The following SGCD variants were observed in gnomAD, a reference collection of about 807,000 sequenced individuals.
SGCD encodes the protein sarcoglycan delta.
Under a neutral mutation model 36.6 loss-of-function variants are expected in SGCD, and 18 were observed. The observed-to-expected ratio is 0.49, with a 90% CI of 0.34 to 0.73. SGCD has a LOEUF of 0.73. Among genes scored for constraint, SGCD ranks in the 30% least tolerant of loss-of-function variants. The pLI, the probability that SGCD is intolerant of heterozygous loss-of-function variation, is 0.01. For missense variants in SGCD, 387 were observed against 346.7 expected (o/e 1.12, Z -0.92); for synonymous variants, 133 against 130.6 (o/e 1.02, Z -0.12).
intron 7 of SGCD, among the ~76,000 whole-genome samples, chr5:156,709,200 C>A (rs1158228881): frequency 6.6e-6 from 1 of 152,188 alleles, no homozygotes; most frequent in East Asian, 1.9e-4. Context: ...TGATCCCCTT[C>A]AAGGACAATA....
At chr5:156,666,927 A>G (rs973749572) in intron 7 of SGCD, among the ~76,000 whole-genome samples, 3 of 152,184 alleles carry the variant, frequency 2.0e-5, no homozygotes, top group African/African-American at 7.2e-5. Flanking sequence ...AGCCTGGGTG[A>G]CAGAGTGACT....
intron 1 of SGCD, among the ~76,000 whole-genome samples, chr5:155,931,590 AC>A (rs1380008370): frequency 6.6e-6 from 1 of 152,202 alleles, no homozygotes; most frequent in African/African-American, 2.4e-5. Context: ...GTTGTGTTGA[AC>A]ATGTGTTTCT....
At chr5:155,844,788 G>A in the SGCD span, among the ~76,000 whole-genome samples, 3 of 152,142 alleles carry the variant, frequency 2.0e-5, no homozygotes, top group Non-Finnish European at 2.9e-5. Context: ...ATATGAAGCG[G>A]TATAGCACAG....
At chr5:156,481,579 T>C (rs1034456420) in intron 3 of SGCD, among the ~76,000 whole-genome samples, 1 of 152,238 alleles carries the variant, frequency 6.6e-6, no homozygotes, top group Non-Finnish European at 1.5e-5. Context: ...TCTGTTATTA[T>C]ATGTCTCTTG....
intron 1 of SGCD, among the ~76,000 whole-genome samples, chr5:155,894,667 T>C (rs1319805277): frequency 6.6e-6 from 1 of 152,048 alleles, no homozygotes; most frequent in East Asian, 1.9e-4. Context: ...GAACATGAAC[T>C]CTATTGTGAA....
chr5:156,632,986 G>C (rs905187393), intron 6 of SGCD, among the ~76,000 whole-genome samples: 1 of 113,326 alleles, frequency 8.8e-6, no homozygotes, highest in East Asian at 2.6e-4. Flanking sequence ...ATTTATATAC[G>C]TTCAGTCAAG....
At chr5:156,434,220 TGTAAA>T (rs1275968211) in intron 3 of SGCD, among the ~76,000 whole-genome samples, 2 of 152,234 alleles carry the variant, frequency 1.3e-5, no homozygotes, top group South Asian at 2.1e-4. Context: ...GCTGTGTGTG[TGTAAA>T]GTAGTCTTAT....
chr5:156,198,896 A>G (rs1764081402), intron 3 of SGCD, among the ~76,000 whole-genome samples: 1 of 151,904 alleles, frequency 6.6e-6, no homozygotes, highest in Non-Finnish European at 1.5e-5. Flanking sequence ...GAATCTTGCT[A>G]TGTTGCCTTG....
chr5:156,542,473 T>G (rs1333925226), intron 4 of SGCD, among the ~76,000 whole-genome samples: 1 of 152,198 alleles, frequency 6.6e-6, no homozygotes, highest in Non-Finnish European at 1.5e-5. Flanking sequence ...ATTGTATGAG[T>G]GCAATCTGAC....
the SGCD span, among the ~76,000 whole-genome samples, chr5:155,795,569 A>C: frequency 1.3e-5 from 2 of 152,212 alleles, no homozygotes; most frequent in Non-Finnish European, 2.9e-5. Context: ...AAAACATTTT[A>C]TTAATCTAAA....
intron 3 of SGCD, among the ~76,000 whole-genome samples, chr5:156,217,256 T>C (rs1283955320): frequency 1.3e-5 from 2 of 152,220 alleles, no homozygotes; most frequent in African/African-American, 2.4e-5. Context: ...AGTGTCTTAG[T>C]GTTAGACTGA....
chr5:156,560,560 C>T (rs111836131), intron 4 of SGCD, among the ~76,000 whole-genome samples: 1 of 152,104 alleles, frequency 6.6e-6, no homozygotes, highest in African/African-American at 2.4e-5. Flanking sequence ...AAACTGGAAG[C>T]TATGTAATAG....
At chr5:156,214,660 A>C (rs190939865) in intron 3 of SGCD, among the ~76,000 whole-genome samples, 1 of 152,248 alleles carries the variant, frequency 6.6e-6, no homozygotes, top group Non-Finnish European at 1.5e-5. Flanking sequence ...AACAAAAAGA[A>C]CAAAGCCAGA....
At chr5:155,942,322 G>GTATCTATCTATCTATCTATCTATC (rs1486613471) in intron 1 of SGCD, among the ~76,000 whole-genome samples, 11 of 79,298 alleles carry the variant, frequency 1.4e-4, no homozygotes, top group Admixed American at 2.1e-4. Flanking sequence ...ATGTATGTAT[G>GTATCTATCTATCTATCTATCTATC]TATGTATGTA....
intron 4 of SGCD, among the ~76,000 whole-genome samples, chr5:156,581,877 C>T (rs189099243): frequency 1.3e-5 from 2 of 152,282 alleles, no homozygotes; most frequent in East Asian, 1.9e-4. Flanking sequence ...CCTGTGCTTC[C>T]CTGGTGAGGC....
intron 2 of SGCD, among the ~76,000 whole-genome samples, chr5:156,338,960 C>G (rs78611932): frequency 1.3e-5 from 2 of 151,954 alleles, no homozygotes; most frequent in South Asian, 2.1e-4. Flanking sequence ...AGTCTTGACT[C>G]TAATGCTATG....
chr5:155,796,670 G>A, the SGCD span, among the ~76,000 whole-genome samples: 3 of 151,692 alleles, frequency 2.0e-5, no homozygotes, highest in African/African-American at 7.3e-5. Context: ...GCTGGGTGTG[G>A]TGGTGCATGC....
intron 7 of SGCD, among the ~76,000 whole-genome samples, chr5:156,735,376 C>G (rs957294375): frequency 6.6e-6 from 1 of 152,190 alleles, no homozygotes; most frequent in African/African-American, 2.4e-5. Flanking sequence ...CAGCCTGCCC[C>G]CCACTGCCTC....
intron 3 of SGCD, among the ~76,000 whole-genome samples, chr5:156,187,374 T>C (rs936432061): frequency 3.3e-5 from 5 of 152,038 alleles, no homozygotes; most frequent in Non-Finnish European, 7.4e-5. Context: ...AGAGAATTGC[T>C]GAACAAAGGC....
Sources: gnomAD v4.1 joint callset for allele counts (sites outside exome capture counted in the v4.1 genomes callset) on GRCh38, gnomAD v4.1.1 for gene constraint, MANE v1.5 for transcripts, NCBI Gene and HGNC (gene_info 2026-07-23, HGNC 2026-07-21) for gene names.